MECOM: variants seen among roughly 807,000 people sequenced by gnomAD.
MECOM encodes MDS1 and EVI1 complex locus, also known as histone-lysine N-methyltransferase MECOM.
MECOM carries 13 observed loss-of-function variants against 116.3 expected under a neutral mutation model. That is an observed-to-expected ratio of 0.11 (90% CI 0.07 to 0.18). MECOM has a LOEUF of 0.18. Among genes scored for constraint, MECOM ranks in the 10% least tolerant of loss-of-function variants. The pLI is 1.00. For missense variants in MECOM, 1,299 were observed against 1,509.0 expected (o/e 0.86, Z 2.31); for synonymous variants, 528 against 535.2 (o/e 0.99, Z 0.19).
chr3:169,546,137 AT>A (rs1760696339), intron 1 of MECOM, among the ~76,000 whole-genome samples: 1 of 152,154 alleles, frequency 6.6e-6, no homozygotes, highest in South Asian at 2.1e-4. Context: ...CAAAATATAG[AT>A]TCTATGATCC....
chr3:169,468,892 G>T (rs1395086759), intron 1 of MECOM, among the ~76,000 whole-genome samples: 1 of 152,176 alleles, frequency 6.6e-6, no homozygotes, highest in East Asian at 1.9e-4. Flanking sequence ...TAGGCAGACT[G>T]CCACCAAGGA....
chr3:169,492,827 G>C (rs1291322543), intron 1 of MECOM, among the ~76,000 whole-genome samples: 1 of 152,102 alleles, frequency 6.6e-6, no homozygotes, highest in East Asian at 1.9e-4. Context: ...AGGCGTGGTG[G>C]TGAGCACCTG....
intron 2 of MECOM, among the ~76,000 whole-genome samples, chr3:169,306,918 G>T (rs576059660): frequency 2.0e-5 from 3 of 152,168 alleles, no homozygotes; most frequent in Non-Finnish European, 2.9e-5. Context: ...TCATATGGAA[G>T]TTGATGACTC....
At chr3:169,584,048 A>G (rs930467658) in intron 1 of MECOM, among the ~76,000 whole-genome samples, 1 of 152,170 alleles carries the variant, frequency 6.6e-6, no homozygotes, top group Non-Finnish European at 1.5e-5. Context: ...ATATGCATGC[A>G]TTTACTCTAT....
Position 169,622,238 on chromosome 3 carries a change from C to T in MECOM, c.37+41098G>A, listed in dbSNP as rs902040974. ...CCGAGTAGCTGGGATTACAGGCACC[C>T]GCCACCATGCCCGGCTAATTTTTTT... On this transcript the variant is annotated intron_variant, in intron 1 of 16. Coordinates refer to ENST00000651503, the MANE Select transcript of MECOM (RefSeq NM_004991.4). Among the ~76,000 whole-genome samples the T allele has an allele frequency of 8.6e-5, 13 of 152,010 alleles. No homozygotes were observed. In the South Asian group the frequency reaches 1.0e-3, roughly 12 times the overall value.
chr3:169,607,753 C>A (rs1402472253), intron 1 of MECOM, among the ~76,000 whole-genome samples: 1 of 152,228 alleles, frequency 6.6e-6, no homozygotes, highest in African/African-American at 2.4e-5. Flanking sequence ...TCCCTACACA[C>A]CTGAATGCGT....
intron 1 of MECOM, among the ~76,000 whole-genome samples, chr3:169,498,099 G>A (rs998759416): frequency 4.6e-5 from 7 of 151,972 alleles, no homozygotes; most frequent in Non-Finnish European, 1.0e-4. Context: ...TTAATCCAAG[G>A]AGCTTTGAAG....
At chr3:169,147,422 A>C (rs1221353706) in intron 2 of MECOM, 6 of 985,412 alleles carry the variant, frequency 6.1e-6, no homozygotes, top group Non-Finnish European at 7.2e-6. Context: ...TCCAGAAAGA[A>C]CCCGGGGCGA....
At chr3:169,254,841 A>G (rs1300820380) in intron 2 of MECOM, among the ~76,000 whole-genome samples, 1 of 152,120 alleles carries the variant, frequency 6.6e-6, no homozygotes, top group Admixed American at 6.6e-5. Context: ...TCAATGGTAC[A>G]AACAGAAGGG....
At chr3:169,562,276 A>G (rs978295981) in intron 1 of MECOM, among the ~76,000 whole-genome samples, 2 of 152,140 alleles carry the variant, frequency 1.3e-5, no homozygotes, top group Admixed American at 1.3e-4. Context: ...ATCTCTAAAC[A>G]AAATAAACAG....
At chr3:169,295,069 T>C (rs771148756) in intron 2 of MECOM, among the ~76,000 whole-genome samples, 24 of 152,322 alleles carry the variant, frequency 1.6e-4, no homozygotes, top group Non-Finnish European at 2.2e-4. Context: ...AATATGTGCA[T>C]TATAATTGAG....
chr3:169,427,103 C>T (rs958227932), intron 1 of MECOM, among the ~76,000 whole-genome samples: 2 of 151,948 alleles, frequency 1.3e-5, no homozygotes, highest in African/African-American at 2.4e-5. Context: ...AAAGCCTCTT[C>T]GAGCTTTTTA....
At chr3:169,272,646 CT>C (rs2149659298) in intron 2 of MECOM, among the ~76,000 whole-genome samples, 1 of 152,236 alleles carries the variant, frequency 6.6e-6, no homozygotes, top group South Asian at 2.1e-4. Context: ...ATCTTAGAAG[CT>C]GGTGTGGATG....
chr3:169,421,090 A>G (rs1739646851), intron 1 of MECOM, among the ~76,000 whole-genome samples: 1 of 152,140 alleles, frequency 6.6e-6, no homozygotes, highest in African/African-American at 2.4e-5. Flanking sequence ...TCCCACTGGA[A>G]TGAGGTTCAG....
At chr3:169,341,360 G>A (rs1724473138) in intron 2 of MECOM, among the ~76,000 whole-genome samples, 1 of 150,660 alleles carries the variant, frequency 6.6e-6, no homozygotes, top group South Asian at 2.1e-4. Context: ...TTGAACTCAT[G>A]GACTTAGAGA....
chr3:169,177,318 G>A (rs1393023249), intron 2 of MECOM, among the ~76,000 whole-genome samples: 1 of 152,122 alleles, frequency 6.6e-6, no homozygotes, highest in South Asian at 2.1e-4. Flanking sequence ...CCTTTGCAGG[G>A]ACATGGATGA....
intron 2 of MECOM, among the ~76,000 whole-genome samples, chr3:169,167,327 CA>C (rs1480740769): frequency 2.6e-5 from 4 of 152,136 alleles, no homozygotes; most frequent in African/African-American, 9.7e-5. Context: ...ATAACTCCTC[CA>C]GTTGGACTGC....
chr3:169,312,042 G>T (rs1484883588), intron 2 of MECOM, among the ~76,000 whole-genome samples: 1 of 152,182 alleles, frequency 6.6e-6, no homozygotes, highest in African/African-American at 2.4e-5. Flanking sequence ...ACCACGCGGG[G>T]CTTTGTGAGC....
chr3:169,419,530 C>G (rs1027493271), intron 1 of MECOM, among the ~76,000 whole-genome samples: 3 of 152,132 alleles, frequency 2.0e-5, no homozygotes, highest in African/African-American at 7.2e-5. Context: ...CAGCATGGTA[C>G]CAGTGGCAAA....
Sources: allele counts gnomAD v4.1 joint callset (sites outside exome capture counted in the v4.1 genomes callset), GRCh38; gene constraint gnomAD v4.1.1; transcripts MANE v1.5; gene names NCBI Gene and HGNC (gene_info 2026-07-23, HGNC 2026-07-21).